The following ADAM29 variants were observed in gnomAD, a reference collection of about 807,000 sequenced individuals.
ADAM29 encodes the protein disintegrin and metalloproteinase domain-containing protein 29.
For missense variants in ADAM29, 969 were observed against 1,001.8 expected (o/e 0.97, Z 0.44); for synonymous variants, 367 against 342.3 (o/e 1.07, Z -0.80).
intron 4 of ADAM29, among the ~76,000 whole-genome samples, chr4:174,945,506 G>A (rs1226281922): frequency 6.6e-6 from 1 of 151,986 alleles, no homozygotes; most frequent in Non-Finnish European, 1.5e-5. Flanking sequence ...TGTTTACATA[G>A]GTCCCAATTG....
chr4:174,953,475 T>A (rs1056819930), intron 4 of ADAM29, among the ~76,000 whole-genome samples: 2 of 152,166 alleles, frequency 1.3e-5, no homozygotes, highest in African/African-American at 4.8e-5. Context: ...AATTTTCACA[T>A]CCTACAGATT....
intron 3 of ADAM29, among the ~76,000 whole-genome samples, chr4:174,933,882 G>A (rs1276288925): frequency 6.6e-6 from 1 of 152,142 alleles, no homozygotes; most frequent in Admixed American, 6.6e-5. Context: ...TACCATTGAT[G>A]GCATTTAGGT....
At chr4:174,928,069 TCA>T (rs1743619879) in intron 2 of ADAM29, among the ~76,000 whole-genome samples, 1 of 152,188 alleles carries the variant, frequency 6.6e-6, no homozygotes. Flanking sequence ...GGATTCCAAA[TCA>T]GTTTGTCTTC....
intron 4 of ADAM29, among the ~76,000 whole-genome samples, chr4:174,962,917 T>A (rs911427137): frequency 1.3e-5 from 2 of 152,014 alleles, no homozygotes; most frequent in Non-Finnish European, 2.9e-5. Flanking sequence ...ACATGAAAAA[T>A]TATTAGAATG....
chr4:174,953,999 G>A (rs56163045), intron 4 of ADAM29, among the ~76,000 whole-genome samples: 63,601 of 151,870 alleles, frequency 0.42, 13,849 homozygotes, highest in African/African-American at 0.54. Context: ...GGTGTGAGCC[G>A]CCATGCCTGG....
chr4:174,931,308 A>C (rs1743859707), intron 3 of ADAM29, 134 bp downstream of exon 3: 1 of 152,232 alleles, frequency 6.6e-6, no homozygotes, highest in African/African-American at 2.4e-5. Flanking sequence ...TGAGAGGTGA[A>C]AAAATGTGGA....
Position 174,976,927 on chromosome 4 carries a change from T to G in ADAM29, c.1402T>G (p.Cys468Gly), listed in dbSNP as rs1002125957. ...EVNECDLPEWCNGTSHKCPDD... is the reference protein window; with the variant it reads ...EVNECDLPEWGNGTSHKCPDD... ...CAATGAATGTGATCTTCCAGAGTGG[T>G]GCAATGGTACTTCCCATAAGTGCCC... Residue 468 changes from cysteine to glycine, a missense_variant, in exon 5 of 5, where the codon TGC (cysteine) becomes GGC (glycine). By Grantham distance (159) the Cys-to-Gly change is radical (BLOSUM62 -3). Transcript: ENST00000359240. 3.7e-6 allele frequency: 6 copies of G among 1,613,966 alleles called. No individual in the cohort carries two copies. The highest frequency in any genetic ancestry group is 1.6e-4 in the Middle Eastern group (1 of 6,082).
intron 2 of ADAM29, among the ~76,000 whole-genome samples, chr4:174,929,927 T>C (rs1743760145): frequency 1.3e-5 from 2 of 151,772 alleles, no homozygotes; most frequent in Non-Finnish European, 2.9e-5. Flanking sequence ...TGGCTAATTT[T>C]TGTTTGTTAG....
chr4:174,923,516 G>A (rs1743289328), intron 2 of ADAM29, among the ~76,000 whole-genome samples: 2 of 60,546 alleles, frequency 3.3e-5, no homozygotes, highest in African/African-American at 1.1e-4. Flanking sequence ...TATATACTGT[G>A]CATTATATGT....
intron 4 of ADAM29, among the ~76,000 whole-genome samples, chr4:174,962,313 C>A (rs1745872499): frequency 6.6e-6 from 1 of 151,918 alleles, no homozygotes; most frequent in African/African-American, 2.4e-5. Flanking sequence ...AAATCAAGAC[C>A]ATCCTGGCTA....
At chr4:174,931,679 T>C (rs1743886254) in intron 3 of ADAM29, among the ~76,000 whole-genome samples, 1 of 152,222 alleles carries the variant, frequency 6.6e-6, no homozygotes, top group African/African-American at 2.4e-5. Flanking sequence ...CACACATATA[T>C]TCAATCTTAC....
At chr4:174,932,989 T>A (rs145207109) in intron 3 of ADAM29, among the ~76,000 whole-genome samples, 2 of 152,286 alleles carry the variant, frequency 1.3e-5, no homozygotes, top group East Asian at 3.9e-4. Flanking sequence ...AGGTCCCATG[T>A]GATTTGGTCA....
Position 174,968,432 on chromosome 4 carries a change from G to A in ADAM29, c.-180-6914G>A, listed in dbSNP as rs560116678. Among the ~76,000 whole-genome samples the A allele has an allele frequency of 2.2e-4, 33 of 152,266 alleles. No homozygotes were observed. In the South Asian group the frequency reaches 3.3e-3, roughly 15 times the overall value. ...CAACTGTGGATCAGATCTTCTGGCCGTGGGGTCCAATGCATTGCAAAGGAC... is the reference window on the plus strand; with the variant it reads ...CAACTGTGGATCAGATCTTCTGGCCATGGGGTCCAATGCATTGCAAAGGAC... On this transcript the variant is annotated intron_variant, in intron 4 of 4. Coordinates refer to ENST00000359240, the MANE Select transcript of ADAM29 (RefSeq NM_014269.4).
chr4:174,972,573 T>C (rs1312747947), intron 4 of ADAM29, among the ~76,000 whole-genome samples: 1 of 151,934 alleles, frequency 6.6e-6, no homozygotes, highest in Non-Finnish European at 1.5e-5. Context: ...CCTGGAGAGG[T>C]TGGGTGCTGG....
At chr4:174,919,145 C>T (rs1328711548) in intron 1 of ADAM29, among the ~76,000 whole-genome samples, 1 of 152,112 alleles carries the variant, frequency 6.6e-6, no homozygotes, top group African/African-American at 2.4e-5. Context: ...CATCTAATTA[C>T]TTGTTTTATC....
chr4:174,953,848 T>C (rs954843535), intron 4 of ADAM29, among the ~76,000 whole-genome samples: 1 of 152,148 alleles, frequency 6.6e-6, no homozygotes, highest in Admixed American at 6.5e-5. Context: ...TAGCTGGGAC[T>C]ATAGGCATGC....
At chr4:174,927,536 G>C (rs1006171710) in intron 2 of ADAM29, among the ~76,000 whole-genome samples, 1 of 152,046 alleles carries the variant, frequency 6.6e-6, no homozygotes, top group Non-Finnish European at 1.5e-5. Context: ...TACTATCTAA[G>C]TAGTAAATTT....
intron 4 of ADAM29, among the ~76,000 whole-genome samples, chr4:174,970,850 T>C (rs1261114429): frequency 3.9e-5 from 6 of 152,298 alleles, no homozygotes; most frequent in African/African-American, 7.2e-5. Context: ...ATTTCTGATA[T>C]TGAGTCTTCT....
intron 4 of ADAM29, among the ~76,000 whole-genome samples, chr4:174,970,395 G>A (rs1021433373): frequency 7.9e-5 from 12 of 152,080 alleles, no homozygotes; most frequent in African/African-American, 2.9e-4. Context: ...AAACAGAAGA[G>A]GCAGAGTCAA....
Sources: allele counts gnomAD v4.1 joint callset (sites outside exome capture counted in the v4.1 genomes callset), GRCh38; gene constraint gnomAD v4.1.1; transcripts MANE v1.5; gene names NCBI Gene and HGNC (gene_info 2026-07-23, HGNC 2026-07-21).